Variants in SLC26A4 observed in about 807,000 individuals in gnomAD.
The protein encoded by SLC26A4 is solute carrier family 26 member 4.
A neutral mutation model predicts 90.4 loss-of-function variants in SLC26A4; 93 were observed. That is an observed-to-expected ratio of 1.03 (90% CI 0.87 to 1.22). SLC26A4 has a LOEUF of 1.22. Ranked by LOEUF, SLC26A4 falls within the 50% of genes most tolerant of loss-of-function variation. SLC26A4 has a pLI of 0.00. For synonymous variants in SLC26A4, 393 were observed against 354.6 expected, an observed-to-expected ratio of 1.11 and a Z score of -1.22; for missense variants, 1,127 against 946.2, an observed-to-expected ratio of 1.19 and a Z score of -2.51.
intron 20 of SLC26A4, among the ~76,000 whole-genome samples, 197 bp downstream of exon 20, chr7:107,712,819 T>G (rs2129320462): frequency 6.6e-6 from 1 of 152,308 alleles, no homozygotes; most frequent in Non-Finnish European, 1.5e-5. Context: ...GGATCTTTTG[T>G]CCCAGGCATT....
intron 20 of SLC26A4, among the ~76,000 whole-genome samples, chr7:107,713,942 T>C (rs1792267774): frequency 6.6e-6 from 1 of 152,032 alleles, no homozygotes; most frequent in Non-Finnish European, 1.5e-5. Flanking sequence ...TGTGACTGAG[T>C]CTTACTCTGT....
At chr7:107,676,539 T>A (rs1791028594) in intron 6 of SLC26A4, among the ~76,000 whole-genome samples, 2 of 152,220 alleles carry the variant, frequency 1.3e-5, no homozygotes, top group Admixed American at 1.3e-4. Context: ...AAAAATGTGT[T>A]CTACATAAAG....
At chr7:107,690,564 G>T (rs1327656772) in intron 10 of SLC26A4, among the ~76,000 whole-genome samples, 1 of 152,136 alleles carries the variant, frequency 6.6e-6, no homozygotes, top group African/African-American at 2.4e-5. Context: ...GTTACCTGGG[G>T]AGACAGATGG....
chr7:107,694,796 C>A (rs1791692504), intron 12 of SLC26A4, 80 bp downstream of exon 12: 4 of 954,102 alleles, frequency 4.2e-6, no homozygotes, highest in Middle Eastern at 4.2e-4. Context: ...ATATTCCCCC[C>A]ATCCCCTAAG....
At chr7:107,685,033 G>A (rs981374843) in intron 8 of SLC26A4, among the ~76,000 whole-genome samples, 6 of 152,004 alleles carry the variant, frequency 3.9e-5, no homozygotes, top group Admixed American at 6.6e-5. Context: ...CTAGCCTCTC[G>A]CCCTTGAGTT....
At chr7:107,681,849 T>C (rs78028632) in intron 6 of SLC26A4, among the ~76,000 whole-genome samples, 3,598 of 151,982 alleles carry the variant, frequency 0.024, 153 homozygotes, top group African/African-American at 0.082. Flanking sequence ...CTTTGAGAGG[T>C]TGGGCAGGAG....
At chr7:107,714,480 G>A (rs1792286586) in intron 20 of SLC26A4, among the ~76,000 whole-genome samples, 1 of 152,144 alleles carries the variant, frequency 6.6e-6, no homozygotes, top group Non-Finnish European at 1.5e-5. Context: ...AGTGAGCCCA[G>A]GAAAGTCATT....
rs1206228305 is a variant in SLC26A4 at position 107,700,104 on chromosome 7, A to G, written c.1636A>G (p.Lys546Glu). Residue 546 changes from lysine (K) to glutamate (E), a missense_variant, in exon 15 of 21, where the codon AAG (lysine) becomes GAG (glutamate). Transcript: ENST00000644269. ...CCAGATTGAAGAACCTCAAGGAGTG[A>G]AGATTCTTAGATTTTCCAGTCCTAT... ...YKNIEEPQGV[K>E]ILRFSSPIFY... The G allele has an allele frequency of 6.3e-7, 1 of 1,576,672 alleles. No homozygotes were observed. The highest frequency in any genetic ancestry group is 1.3e-5 in the African/African-American group (1 of 74,284).
chr7:107,665,827 C>G (rs1790694878), intron 3 of SLC26A4, among the ~76,000 whole-genome samples: 1 of 152,142 alleles, frequency 6.6e-6, no homozygotes, highest in South Asian at 2.1e-4. Context: ...GGTCACGTGG[C>G]TGGTAAGTGG....
At chr7:107,703,259 G>C (rs1163779595) in intron 17 of SLC26A4, among the ~76,000 whole-genome samples, 1 of 152,060 alleles carries the variant, frequency 6.6e-6, no homozygotes, top group Non-Finnish European at 1.5e-5. Context: ...GTATCAAAAG[G>C]GTCAGGCAGA....
At chr7:107,680,013 A>C in intron 6 of SLC26A4, among the ~76,000 whole-genome samples, 1 of 133,780 alleles carries the variant, frequency 7.5e-6, no homozygotes, top group Non-Finnish European at 1.5e-5. Flanking sequence ...CTTATTATAT[A>C]ATATAATCTT....
intron 20 of SLC26A4, among the ~76,000 whole-genome samples, chr7:107,713,055 C>T (rs1184162791): frequency 6.6e-6 from 1 of 152,174 alleles, no homozygotes; most frequent in Non-Finnish European, 1.5e-5. Context: ...ACACACTCTC[C>T]CCACCCTAGA....
At chr7:107,701,278 TC>T in intron 16 of SLC26A4, 82 bp downstream of exon 16, 1 of 839,966 alleles carries the variant, frequency 1.2e-6, no homozygotes, top group Non-Finnish European at 2.1e-6. Flanking sequence ...ATTAAATCTA[TC>T]CTCTTTAGTA....
chr7:107,678,964 G>C (rs888003496), intron 6 of SLC26A4, among the ~76,000 whole-genome samples: 1 of 152,090 alleles, frequency 6.6e-6, no homozygotes, highest in Admixed American at 6.6e-5. Flanking sequence ...GTTGCACTTT[G>C]GTTTGTCCTG....
chr7:107,684,790 C>A (rs985411499), intron 8 of SLC26A4, among the ~76,000 whole-genome samples: 1 of 152,162 alleles, frequency 6.6e-6, no homozygotes, highest in Non-Finnish European at 1.5e-5. Flanking sequence ...CAAATCTAAT[C>A]TAACAACTAG....
chr7:107,687,013 C>T (rs1225130024), intron 8 of SLC26A4, among the ~76,000 whole-genome samples: 1 of 152,168 alleles, frequency 6.6e-6, no homozygotes, highest in Non-Finnish European at 1.5e-5. Context: ...AGTGGTGGTG[C>T]ATTTGCCAAG....
intron 8 of SLC26A4, among the ~76,000 whole-genome samples, chr7:107,686,373 CT>C (rs1791408319): frequency 1.4e-5 from 2 of 143,744 alleles, no homozygotes; most frequent in Non-Finnish European, 3.1e-5. Flanking sequence ...CCTCCCTTTC[CT>C]CCCCTTCCTT....
chr7:107,700,481 G>C (rs554580053), intron 15 of SLC26A4, among the ~76,000 whole-genome samples: 1 of 152,316 alleles, frequency 6.6e-6, no homozygotes, highest in African/African-American at 2.4e-5. Context: ...GTTCATAGAA[G>C]GAAGAGATCC....
At chr7:107,712,460 G>C (rs1306314988) in intron 19 of SLC26A4, 79 bp from the exon 20 acceptor site, 9 of 791,156 alleles carry the variant, frequency 1.1e-5, no homozygotes, top group Admixed American at 3.4e-5. Context: ...GAAGCACCAG[G>C]AAAGCTTCAA....
Sources: allele counts gnomAD v4.1 joint callset (sites outside exome capture counted in the v4.1 genomes callset), GRCh38; gene constraint gnomAD v4.1.1; transcripts MANE v1.5; gene names NCBI Gene and HGNC (gene_info 2026-07-23, HGNC 2026-07-21).